Variants in GALNT17 observed in about 807,000 individuals in gnomAD.
GALNT17 encodes polypeptide N-acetylgalactosaminyltransferase 17.
A neutral mutation model predicts 63.7 loss-of-function variants in GALNT17; 29 were observed. The observed-to-expected ratio is 0.46, with a 90% CI of 0.34 to 0.62. The LOEUF (loss-of-function observed/expected upper bound fraction) is 0.62. Among genes scored for constraint, GALNT17 ranks in the 20% least tolerant of loss-of-function variants. The pLI is 0.01. For synonymous variants in GALNT17, 305 were observed against 318.3 expected, an observed-to-expected ratio of 0.96 and a Z score of 0.45; for missense variants, 603 against 799.6, an observed-to-expected ratio of 0.75 and a Z score of 2.97.
intron 6 of GALNT17, among the ~76,000 whole-genome samples, chr7:71,575,261 A>G (rs895615458): frequency 6.6e-6 from 1 of 152,206 alleles, no homozygotes; most frequent in Non-Finnish European, 1.5e-5. Flanking sequence ...ATATATATAC[A>G]TGCATATATA....
In GALNT17 at chr7:71,530,567, T is replaced by C. The variant is rs1468552150; in HGVS notation, c.963-40718T>C. 2.0e-5 allele frequency among the ~76,000 whole-genome samples: 3 copies of C among 150,150 alleles called. No homozygotes were observed. The Admixed American group carries it at 2.0e-4, about 10-fold the overall frequency. On this transcript the variant is annotated intron_variant, in intron 5 of 10. Transcript: ENST00000333538. Reference sequence around the variant, plus strand: ...ATTTATTTATTTATTTATTTATTTATTTATTTATTTATTTATTTATTTTTG... The same window carrying C: ...ATTTATTTATTTATTTATTTATTTACTTATTTATTTATTTATTTATTTTTG...
At chr7:71,163,294 G>A (rs1018138191) in intron 1 of GALNT17, among the ~76,000 whole-genome samples, 2 of 152,172 alleles carry the variant, frequency 1.3e-5, no homozygotes, top group Admixed American at 1.3e-4. Flanking sequence ...CAACCAAGTG[G>A]AGATGTTGTC....
chr7:71,377,117 AT>A lies in GALNT17; in HGVS notation c.423-11117del, dbSNP rs1563047704. ...AAAAAAAAATAAAAATAAAAAAAAT[AT>A]ATATATATATATATATATATATAAA... On this transcript the variant is annotated intron_variant, in intron 2 of 10. Transcript: ENST00000333538. Among the ~76,000 whole-genome samples the A allele has an allele frequency of 7.2e-3, 576 of 80,116 alleles. 63 individuals carry two copies. The highest frequency in any genetic ancestry group is 0.022 in the African/African-American group (423 of 19,536). The allele number at this position is 80,116 out of a possible 152,430, so 52.6% of individuals were successfully genotyped here. A position where few individuals can be genotyped will look rare whatever the true frequency, so the allele number is the denominator to read the frequency against.
At chr7:71,509,445 C>T (rs1328617981) in intron 5 of GALNT17, among the ~76,000 whole-genome samples, 1 of 152,210 alleles carries the variant, frequency 6.6e-6, no homozygotes, top group East Asian at 1.9e-4. Context: ...TCTGTTAATA[C>T]TTGTGCTCAG....
chr7:71,194,314 G>A (rs1789006940), intron 1 of GALNT17, among the ~76,000 whole-genome samples: 1 of 152,166 alleles, frequency 6.6e-6, no homozygotes. Context: ...GGTCCTCATC[G>A]AATAGTTATT....
At chr7:71,362,991 G>A (rs907641827) in intron 2 of GALNT17, among the ~76,000 whole-genome samples, 1 of 151,056 alleles carries the variant, frequency 6.6e-6, no homozygotes, top group African/African-American at 2.4e-5. Flanking sequence ...TTTTGAGGCA[G>A]AGTCTCACAT....
intron 1 of GALNT17, among the ~76,000 whole-genome samples, chr7:71,317,799 C>G (rs73179792): frequency 0.17 from 26,133 of 152,042 alleles, 2,469 homozygotes; most frequent in East Asian, 0.29. Flanking sequence ...GCGGATACAC[C>G]CTAAGCTAGT....
At chr7:71,380,872 A>G (rs1792832888) in intron 2 of GALNT17, among the ~76,000 whole-genome samples, 2 of 151,948 alleles carry the variant, frequency 1.3e-5, no homozygotes, top group Admixed American at 1.3e-4. Flanking sequence ...TCCAGTGTGC[A>G]GGAACCACCC....
At position 71,227,770 on chromosome 7, in the gene GALNT17, A is replaced by T. The variant is rs1053446940; in HGVS notation, c.238+94730A>T. ...GTCAGCTGCAGCCATGAATTTTTTT[A>T]TGAGTGATTTGCCAAAAAACCCATT... is the stretch of plus-strand genomic sequence containing the variant. On this transcript the variant is annotated intron_variant, in intron 1 of 10. Transcript: ENST00000333538. Among the ~76,000 whole-genome samples, 8 of 152,224 alleles carry T rather than the reference A, an allele frequency of 5.3e-5. No individual in the cohort carries two copies. The South Asian group carries it at 1.5e-3, about 28-fold the overall frequency.
intron 1 of GALNT17, among the ~76,000 whole-genome samples, chr7:71,167,077 G>A (rs1788455898): frequency 7.1e-6 from 1 of 140,018 alleles, no homozygotes; most frequent in South Asian, 2.3e-4. Flanking sequence ...TGGAGAGACA[G>A]GGTCTCTCTG....
chr7:71,246,828 CA>C (rs60216940), intron 1 of GALNT17, among the ~76,000 whole-genome samples: 37,667 of 145,396 alleles, frequency 0.26, 5,165 homozygotes, highest in Middle Eastern at 0.47. Flanking sequence ...GACTCCGTCT[CA>C]AAAAAAAAAA....
At chr7:71,530,537 AATTTATTTATTTATTTATTTATTTATTT>A (rs59298142) in intron 5 of GALNT17, among the ~76,000 whole-genome samples, 27 of 140,280 alleles carry the variant, frequency 1.9e-4, no homozygotes, top group African/African-American at 6.3e-4. Flanking sequence ...GAGGTACAAG[AATTTATTTATTTATTTATTTATTTATTT>A]ATTTATTTAT....
chr7:71,403,001 G>A (rs1793267181), intron 3 of GALNT17, among the ~76,000 whole-genome samples: 3 of 152,106 alleles, frequency 2.0e-5, no homozygotes, highest in Admixed American at 2.0e-4. Flanking sequence ...CCAGATCATA[G>A]CAATGTGACA....
intron 5 of GALNT17, among the ~76,000 whole-genome samples, chr7:71,436,760 G>C (rs980452912): frequency 6.6e-6 from 1 of 151,928 alleles, no homozygotes; most frequent in Non-Finnish European, 1.5e-5. Context: ...ATGTATCCAT[G>C]TTTCCACACT....
chr7:71,472,547 G>A (rs1787649981), intron 5 of GALNT17, among the ~76,000 whole-genome samples: 1 of 152,090 alleles, frequency 6.6e-6, no homozygotes, highest in East Asian at 1.9e-4. Flanking sequence ...TTAGCTGGGT[G>A]TGATGGCGTG....
At chr7:71,506,413 C>T (rs1273688991) in intron 5 of GALNT17, among the ~76,000 whole-genome samples, 3 of 151,928 alleles carry the variant, frequency 2.0e-5, no homozygotes, top group Non-Finnish European at 4.4e-5. Context: ...ATTACAGGCA[C>T]CTGCCCCCAC....
chr7:71,220,704 C>T (rs143146107), intron 1 of GALNT17, among the ~76,000 whole-genome samples: 26 of 152,032 alleles, frequency 1.7e-4, no homozygotes, highest in African/African-American at 6.0e-4. Flanking sequence ...CTGGTGTCCT[C>T]GTAAGAAAAG....
intron 9 of GALNT17, among the ~76,000 whole-genome samples, chr7:71,709,218 C>T (rs1039923286): frequency 6.6e-6 from 1 of 152,120 alleles, no homozygotes; most frequent in Non-Finnish European, 1.5e-5. Flanking sequence ...CCTCATCAAC[C>T]TCTGTTATTT....
intron 1 of GALNT17, among the ~76,000 whole-genome samples, chr7:71,172,855 G>A (rs2116289535): frequency 6.6e-6 from 1 of 152,298 alleles, no homozygotes; most frequent in East Asian, 1.9e-4. Context: ...GCTTTGAAAT[G>A]GGACTTTTGA....
Sources: allele counts gnomAD v4.1 joint callset (sites outside exome capture counted in the v4.1 genomes callset), GRCh38; gene constraint gnomAD v4.1.1; transcripts MANE v1.5; gene names NCBI Gene and HGNC (gene_info 2026-07-23, HGNC 2026-07-21).